PDZD8: variants seen among roughly 807,000 people sequenced by gnomAD.
The protein encoded by PDZD8 is PDZ domain containing 8.
A neutral mutation model predicts 85.8 loss-of-function variants in PDZD8; 14 were observed. That is an observed-to-expected ratio of 0.16 (90% CI 0.11 to 0.26). The LOEUF is 0.26. Among genes scored for constraint, PDZD8 ranks in the 10% least tolerant of loss-of-function variants. The pLI is 1.00. For missense variants in PDZD8, 1,197 were observed against 1,424.3 expected (o/e 0.84, Z 2.57); for synonymous variants, 592 against 568.6 (o/e 1.04, Z -0.59).
intron 3 of PDZD8, among the ~76,000 whole-genome samples, chr10:117,308,650 A>T (rs911216496): frequency 1.3e-5 from 2 of 152,120 alleles, no homozygotes; most frequent in African/African-American, 4.8e-5. Context: ...CCTATAGGAC[A>T]CCATTTGTGG....
At chr10:117,329,949 A>T (rs1844386599) in intron 2 of PDZD8, among the ~76,000 whole-genome samples, 2 of 132,608 alleles carry the variant, frequency 1.5e-5, no homozygotes, top group Non-Finnish European at 3.2e-5. Flanking sequence ...CTGTCTCAAG[A>T]AAGGAAGGAG....
In PDZD8 at chr10:117,374,227, T is replaced by G. The variant is rs368410004; in HGVS notation, c.872+129A>C. On this transcript the variant is annotated intron_variant, in intron 1 of 4. Coordinates refer to ENST00000334464, the MANE Select transcript of PDZD8 (RefSeq NM_173791.5). This position sits in a 1 kb window ranked among gnomAD's most constrained non-coding sequence, Gnocchi z 7.8. ...CGACTCGCCTTGATCTGGGGCCCTGTCCAGGGTGGGAAGGCCCCAGAAGCA... is the reference window on the plus strand; with the variant it reads ...CGACTCGCCTTGATCTGGGGCCCTGGCCAGGGTGGGAAGGCCCCAGAAGCA... 1.0e-5 allele frequency: 14 copies of G among 1,392,698 alleles called. No homozygotes were observed. The Admixed American group carries it at 3.5e-4, about 34-fold the overall frequency. 86.3% of individuals were successfully genotyped at this position (1,392,698 alleles called of 1,614,324 possible).
At chr10:117,314,283 C>T (rs1243007092) in intron 3 of PDZD8, 1 of 152,068 alleles carries the variant, frequency 6.6e-6, no homozygotes, top group Non-Finnish European at 1.5e-5. Flanking sequence ...AATCGGATTA[C>T]ACTTTGATGA....
At chr10:117,363,780 C>T (rs1845037623) in intron 1 of PDZD8, among the ~76,000 whole-genome samples, 1 of 152,042 alleles carries the variant, frequency 6.6e-6, no homozygotes, top group Non-Finnish European at 1.5e-5. Context: ...CATTCAGTAC[C>T]CCACCCACCA....
chr10:117,324,335 A>G (rs1205890558), intron 2 of PDZD8, among the ~76,000 whole-genome samples: 1 of 152,016 alleles, frequency 6.6e-6, no homozygotes, highest in African/African-American at 2.4e-5. Flanking sequence ...AAATTATTCC[A>G]AAATTTGTAA....
intron 2 of PDZD8, among the ~76,000 whole-genome samples, chr10:117,333,143 A>G (rs866185875): frequency 1.2e-4 from 18 of 148,986 alleles, no homozygotes; most frequent in South Asian, 6.4e-4. Flanking sequence ...AAAAAAAAAA[A>G]GGGGATATGG....
chr10:117,342,239 C>G (rs1297859538), intron 1 of PDZD8, among the ~76,000 whole-genome samples: 2 of 152,156 alleles, frequency 1.3e-5, no homozygotes, highest in Non-Finnish European at 2.9e-5. Context: ...TAAAACACAA[C>G]TCATACTCCT....
chr10:117,356,325 T>C (rs1253352357), intron 1 of PDZD8, among the ~76,000 whole-genome samples: 3 of 152,114 alleles, frequency 2.0e-5, no homozygotes, highest in African/African-American at 7.2e-5. Flanking sequence ...AAGAAAAATT[T>C]AAAAAGGTAA....
intron 1 of PDZD8, among the ~76,000 whole-genome samples, chr10:117,366,452 G>A (rs1411309278): frequency 6.6e-6 from 1 of 151,992 alleles, no homozygotes; most frequent in African/African-American, 2.4e-5. Flanking sequence ...CTGTTGAGGG[G>A]GGTGTATTTT....
chr10:117,322,266 T>C (rs1647107289), intron 2 of PDZD8, among the ~76,000 whole-genome samples: 1 of 152,166 alleles, frequency 6.6e-6, no homozygotes, highest in Non-Finnish European at 1.5e-5. Flanking sequence ...TGAAGGGACA[T>C]GAAGGAGATT....
chr10:117,349,161 G>A (rs562676748), intron 1 of PDZD8, among the ~76,000 whole-genome samples: 4 of 152,310 alleles, frequency 2.6e-5, no homozygotes, highest in Non-Finnish European at 4.4e-5. Context: ...GGGCAACGAT[G>A]TCCTAAACCC....
chr10:117,332,939 G>A (rs1414591115), intron 2 of PDZD8, among the ~76,000 whole-genome samples: 1 of 151,198 alleles, frequency 6.6e-6, no homozygotes, highest in Non-Finnish European at 1.5e-5. Context: ...CCAACATGGT[G>A]AAACGCCCGT....
chr10:117,363,871 G>C (rs1288453675), intron 1 of PDZD8, among the ~76,000 whole-genome samples: 1 of 152,106 alleles, frequency 6.6e-6, no homozygotes, highest in Admixed American at 6.5e-5. Flanking sequence ...AGAATAAAGA[G>C]AAATGTGTTC....
chr10:117,302,997 T>C (rs1843873056), intron 3 of PDZD8, among the ~76,000 whole-genome samples: 1 of 152,140 alleles, frequency 6.6e-6, no homozygotes, highest in South Asian at 2.1e-4. Flanking sequence ...AATGGACTAA[T>C]ACAGTAAATT....
intron 1 of PDZD8, among the ~76,000 whole-genome samples, chr10:117,364,926 G>C (rs1035888017): frequency 6.6e-6 from 1 of 151,796 alleles, no homozygotes; most frequent in Admixed American, 6.6e-5. Context: ...GGGCAGGAGG[G>C]AGGGAGAGGG....
At position 117,339,949 on chromosome 10, in the gene PDZD8, A is replaced by G. The variant is rs377563125; in HGVS notation, c.995+1031T>C. 1.6e-4 allele frequency among the ~76,000 whole-genome samples: 25 copies of G among 152,326 alleles called. 2 individuals are homozygous for G. Among genetic ancestry groups the G allele is most frequent in the Admixed American group, 1.3e-3 (20 of 15,300 alleles). On this transcript the variant is annotated intron_variant, in intron 2 of 4. Transcript: ENST00000334464. ...AATGGGGAAGCTGTTAAAGAGTTTT[A>G]ACTAGGAGACTGACAATTAGATTTG...
At chr10:117,361,587 T>C (rs550510152) in intron 1 of PDZD8, among the ~76,000 whole-genome samples, 15 of 152,310 alleles carry the variant, frequency 9.8e-5, no homozygotes, top group East Asian at 1.9e-4. Context: ...CTGAAGTTTA[T>C]GAAACAGAAA....
chr10:117,312,115 TGTATCCGA>T (rs1427478770), intron 3 of PDZD8, among the ~76,000 whole-genome samples: 1 of 152,060 alleles, frequency 6.6e-6, no homozygotes, highest in Non-Finnish European at 1.5e-5. Context: ...GGCCCAAGAA[TGTATCCGA>T]GGGCAAACAA....
intron 3 of PDZD8, 65 bp from the exon 4 acceptor site, chr10:117,290,413 A>C: frequency 7.6e-7 from 1 of 1,308,072 alleles, no homozygotes; most frequent in South Asian, 1.4e-5. Flanking sequence ...GGAAAAAAAC[A>C]GTAACAGACT....
Sources: gnomAD v4.1 joint callset for allele counts (sites outside exome capture counted in the v4.1 genomes callset) on GRCh38, gnomAD v4.1.1 for gene constraint, Gnocchi (gnomAD v3.1) non-coding constraint, MANE v1.5 for transcripts, NCBI Gene and HGNC (gene_info 2026-07-23, HGNC 2026-07-21) for gene names.